MMP2: variants seen among roughly 807,000 people sequenced by gnomAD.
The protein encoded by MMP2 is matrix metallopeptidase 2.
In MMP2, 39 loss-of-function variants were observed where a neutral mutation model predicts 74.8. The ratio of observed to expected loss-of-function variants is 0.52; its 90% CI spans 0.40 to 0.68. The LOEUF (loss-of-function observed/expected upper bound fraction) is 0.68, where lower values mean the gene tolerates loss of function less well. Ranked by LOEUF, MMP2 falls within the 30% of genes least tolerant of loss-of-function variation. The pLI, the probability that MMP2 is intolerant of heterozygous loss-of-function variation, is 0.00. For synonymous variants in MMP2, 367 were observed against 339.8 expected (o/e 1.08, Z -0.88); for missense variants, 803 against 878.3 (o/e 0.91, Z 1.08).
intron 5 of MMP2, chr16:55,486,565 T>A (rs1221106441): frequency 6.6e-6 from 1 of 152,128 alleles, no homozygotes; most frequent in African/African-American, 2.4e-5. Context: ...TGAAGCCACA[T>A]GGGGGAAATC....
Position 55,484,296 on chromosome 16 carries a change from G to A in MMP2, c.529+132G>A, listed in dbSNP as rs1191112177. The stretch of plus-strand genomic sequence containing the variant: ...GGACAGTAGATGGTGTGGGCCCTGG[G>A]GGTGGTTTAGATGGGGGCAGCACAA... On this transcript the variant is annotated intron_variant, in intron 3 of 12. Coordinates refer to ENST00000219070, the MANE Select transcript of MMP2 (RefSeq NM_004530.6). 11 of 1,108,074 alleles carry A rather than the reference G, an allele frequency of 9.9e-6. No homozygotes were observed. The East Asian group carries it at 2.9e-4, about 29-fold the overall frequency. 68.6% of individuals were successfully genotyped at this position (1,108,074 alleles called of 1,614,324 possible).
At chr16:55,497,418 G>T (rs547516154) in intron 10 of MMP2, among the ~76,000 whole-genome samples, 1 of 152,278 alleles carries the variant, frequency 6.6e-6, no homozygotes, top group Admixed American at 6.5e-5. Flanking sequence ...AACAGTTTTA[G>T]TTCGAATGTT....
At chr16:55,498,808 G>T (rs772189680) in intron 11 of MMP2, among the ~76,000 whole-genome samples, 2 of 152,176 alleles carry the variant, frequency 1.3e-5, no homozygotes, top group African/African-American at 2.4e-5. Flanking sequence ...CTGTCCCAAG[G>T]GTTCTATGGG....
chr16:55,484,399 C>T (rs1388384452), intron 3 of MMP2, among the ~76,000 whole-genome samples: 4 of 152,092 alleles, frequency 2.6e-5, no homozygotes, highest in Non-Finnish European at 4.4e-5. Flanking sequence ...GCCGTCTAAA[C>T]CCGAAGCAAG....
intron 3 of MMP2, among the ~76,000 whole-genome samples, chr16:55,485,000 G>A (rs1373676294): frequency 6.6e-6 from 1 of 152,158 alleles, no homozygotes; most frequent in African/African-American, 2.4e-5. Flanking sequence ...GGACACTAGT[G>A]TGGTAATGTG....
chr16:55,502,367 G>A (rs76604507), intron 11 of MMP2, among the ~76,000 whole-genome samples: 2,397 of 152,294 alleles, frequency 0.016, 61 homozygotes, highest in African/African-American at 0.051. Flanking sequence ...AAATATTTAT[G>A]AGACATGGGG....
intron 1 of MMP2, chr16:55,479,892 A>G (rs961673816): frequency 1.3e-5 from 6 of 447,938 alleles, no homozygotes; most frequent in Non-Finnish European, 2.4e-5. Flanking sequence ...CAAGCCAGAG[A>G]GTGGGAGAGG....
chr16:55,480,396 TGG>T (rs1962067685), intron 1 of MMP2: 1 of 152,078 alleles, frequency 6.6e-6, no homozygotes, highest in Non-Finnish European at 1.5e-5. Context: ...AGGAGAGAGC[TGG>T]CCCGGCAGGA....
chr16:55,483,079 C>T lies in MMP2; in HGVS notation c.324C>T (p.Ala108=). 6.2e-7 allele frequency: 1 copy of T among 1,614,114 alleles called. No homozygotes were observed. The highest frequency in any genetic ancestry group is 1.1e-5 in the South Asian group (1 of 91,076). ...CACGCTGCGGCAACCCAGATGTGGC[C>T]AACTACAACTTCTTCCCTCGCAAGC... ...RKPRCGNPDV[A]NYNFFPRKPK... The change falls in exon 2 of 13, where the codon GCC becomes GCT. Residue 108 remains alanine, a synonymous_variant. Coordinates refer to ENST00000219070, the MANE Select transcript of MMP2 (RefSeq NM_004530.6).
intron 12 of MMP2, among the ~76,000 whole-genome samples, chr16:55,504,932 G>A (rs71393083): frequency 0.082 from 12,338 of 151,342 alleles, 705 homozygotes; most frequent in Non-Finnish European, 0.11. Context: ...GATTACAGGC[G>A]TGAGCCACCG....
rs1962551146 is a variant in MMP2 at position 55,497,134 on chromosome 16, G to T, written c.1609+72G>T. 3 of 1,603,276 alleles carry T rather than the reference G, an allele frequency of 1.9e-6. No homozygotes were observed. In the African/African-American group the frequency reaches 4.0e-5, roughly 21 times the overall value. ...GCACCAGGGCTCCTGGGTGTCCCAG[G>T]CTCACTCCCCCTCTCAAACCACAGT... On this transcript the variant is annotated intron_variant, in intron 10 of 12. Transcript: ENST00000219070.
intron 9 of MMP2, among the ~76,000 whole-genome samples, chr16:55,494,755 T>C (rs17859958): frequency 0.27 from 41,465 of 152,264 alleles, 6,851 homozygotes; most frequent in Non-Finnish European, 0.37. Context: ...AGAACTGACA[T>C]GGCAAGATGA....
chr16:55,502,106 C>G (rs1266676941), intron 11 of MMP2, among the ~76,000 whole-genome samples: 2 of 152,194 alleles, frequency 1.3e-5, no homozygotes, highest in African/African-American at 2.4e-5. Flanking sequence ...GTGGCCCACC[C>G]TGTGACTAAC....
intron 5 of MMP2, chr16:55,488,255 T>C: frequency 2.1e-6 from 1 of 476,568 alleles, no homozygotes; most frequent in South Asian, 2.1e-5. Context: ...ACAGTGCCCT[T>C]GGGGCTGAGG....
chr16:55,503,709 A>G (rs1383994080), intron 12 of MMP2, among the ~76,000 whole-genome samples: 2 of 152,210 alleles, frequency 1.3e-5, no homozygotes, highest in African/African-American at 4.8e-5. Flanking sequence ...CACAAACTCC[A>G]ACAGCTCCAT....
chr16:55,489,736 C>A lies in MMP2; in HGVS notation c.1092C>A (p.Thr364=). The A allele has an allele frequency of 6.2e-7, 1 of 1,614,156 alleles. No homozygotes were observed. Residue 364 remains threonine, a synonymous_variant, in exon 7 of 13, where the codon ACC becomes ACA. Transcript: ENST00000219070. ...TGGGCAACAAATATGAGAGCTGCAC[C>A]AGCGCCGGCCGCAGTGACGGAAAGA... is the stretch of plus-strand genomic sequence containing the variant. The part of the protein sequence containing the change: ...TFLGNKYESC[T]SAGRSDGKMW...
intron 9 of MMP2, among the ~76,000 whole-genome samples, chr16:55,493,708 ACCCTAGAGG>A (rs1436880157): frequency 6.6e-6 from 1 of 152,212 alleles, no homozygotes; most frequent in Non-Finnish European, 1.5e-5. Flanking sequence ...CCCAAGACCT[ACCCTAGAGG>A]GTAGTACTGC....
chr16:55,502,884 C>A lies in MMP2; in HGVS notation c.1875C>A (p.Gly625=). The A allele has an allele frequency of 1.2e-6, 2 of 1,612,726 alleles. No individual in the cohort carries two copies. The highest frequency in any genetic ancestry group is 8.5e-7 in the Non-Finnish European group (1 of 1,179,444). Residue 625 remains glycine (G), a synonymous_variant, in exon 12 of 13, where the codon GGC becomes GGA. Coordinates refer to ENST00000219070, the MANE Select transcript of MMP2 (RefSeq NM_004530.6). The part of the protein sequence containing the change: ...DNLDAVVDLQ[G]GGHSYFFKGA... ...TGGATGCCGTCGTGGACCTGCAGGG[C>A]GGCGGTGAGCCACCCAGGACTGTCT... is the stretch of plus-strand genomic sequence containing the variant.
At chr16:55,481,878 G>A in intron 1 of MMP2, 1 of 760,636 alleles carries the variant, frequency 1.3e-6, no homozygotes. Context: ...CCTAGCACAT[G>A]GTAAGTACTC....
Sources: allele counts gnomAD v4.1 joint callset (sites outside exome capture counted in the v4.1 genomes callset), GRCh38; gene constraint gnomAD v4.1.1; transcripts MANE v1.5; gene names NCBI Gene and HGNC (gene_info 2026-07-23, HGNC 2026-07-21).